DENND1B: variants seen among roughly 807,000 people sequenced by gnomAD.
DENND1B encodes the protein DENN domain containing 1B, also known as DENN domain-containing protein 1B.
In DENND1B, 59 loss-of-function variants were observed where a neutral mutation model predicts 90.1. That is an observed-to-expected ratio of 0.65 (90% CI 0.53 to 0.81). The LOEUF (loss-of-function observed/expected upper bound fraction) is 0.81, where lower values mean the gene tolerates loss of function less well. Among genes scored for constraint, DENND1B ranks in the 40% least tolerant of loss-of-function variants. The pLI is 0.00. For missense variants in DENND1B, 862 were observed against 912.6 expected, an observed-to-expected ratio of 0.94 and a Z score of 0.71; for synonymous variants, 337 against 324.6, an observed-to-expected ratio of 1.04 and a Z score of -0.41.
intron 3 of DENND1B, 67 bp downstream of exon 3, chr1:197,714,964 G>A (rs2102238712): frequency 8.7e-7 from 1 of 1,142,970 alleles, no homozygotes; most frequent in South Asian, 1.3e-5. Flanking sequence ...AGCAACAGCA[G>A]CAGTAATAGT....
intron 14 of DENND1B, among the ~76,000 whole-genome samples, chr1:197,592,033 C>T (rs999604651): frequency 1.6e-5 from 2 of 128,772 alleles, no homozygotes; most frequent in East Asian, 2.7e-4. Flanking sequence ...GGCATGAACC[C>T]GGGAGGTGGA....
intron 2 of DENND1B, among the ~76,000 whole-genome samples, chr1:197,749,673 T>G (rs1228833943): frequency 6.6e-6 from 1 of 152,044 alleles, no homozygotes; most frequent in Non-Finnish European, 1.5e-5. Flanking sequence ...TACTTCAAAT[T>G]TACATAAAGG....
intron 20 of DENND1B, among the ~76,000 whole-genome samples, chr1:197,537,755 T>C (rs1478956251): frequency 6.6e-6 from 1 of 151,950 alleles, no homozygotes; most frequent in Non-Finnish European, 1.5e-5. Flanking sequence ...AATTACATTA[T>C]CATAAAAATG....
intron 5 of DENND1B, among the ~76,000 whole-genome samples, chr1:197,658,821 T>C (rs546660243): frequency 1.3e-5 from 2 of 151,238 alleles, no homozygotes; most frequent in South Asian, 4.2e-4. Context: ...TTAAGAATGA[T>C]GGCAAATTTC....
chr1:197,594,418 GAGACTA>G (rs1675503679), intron 14 of DENND1B, among the ~76,000 whole-genome samples: 1 of 152,154 alleles, frequency 6.6e-6, no homozygotes. Context: ...AAAATCTAGA[GAGACTA>G]AGGAAATGGG....
intron 10 of DENND1B, among the ~76,000 whole-genome samples, chr1:197,620,301 T>A (rs1678039626): frequency 6.6e-6 from 1 of 151,344 alleles, no homozygotes; most frequent in Non-Finnish European, 1.5e-5. Context: ...AACACATTCA[T>A]ATGTAAATTG....
At chr1:197,665,444 T>C (rs1009753737) in intron 5 of DENND1B, among the ~76,000 whole-genome samples, 1 of 152,144 alleles carries the variant, frequency 6.6e-6, no homozygotes, top group Admixed American at 6.5e-5. Context: ...TTGGGTTTTT[T>C]AAAAAATAAT....
At chr1:197,514,588 G>A (rs1668269306) in intron 20 of DENND1B, among the ~76,000 whole-genome samples, 1 of 151,668 alleles carries the variant, frequency 6.6e-6, no homozygotes, top group African/African-American at 2.4e-5. Context: ...TGGAGAAAGA[G>A]AATAGGTGAG....
intron 13 of DENND1B, among the ~76,000 whole-genome samples, chr1:197,596,087 G>A (rs992867305): frequency 4.6e-5 from 7 of 151,952 alleles, no homozygotes; most frequent in Non-Finnish European, 8.8e-5. Flanking sequence ...TTTGAATTCA[G>A]TATCATTGCC....
intron 20 of DENND1B, among the ~76,000 whole-genome samples, chr1:197,518,094 CTT>C (rs1333415575): frequency 6.6e-6 from 1 of 151,860 alleles, no homozygotes; most frequent in African/African-American, 2.4e-5. Flanking sequence ...TAATTTATCT[CTT>C]GTGCCCTCAG....
At chr1:197,759,215 C>T in intron 2 of DENND1B, among the ~76,000 whole-genome samples, 1 of 151,220 alleles carries the variant, frequency 6.6e-6, no homozygotes, top group Non-Finnish European at 1.5e-5. Flanking sequence ...GTGATCCACC[C>T]ACCTCAGCCT....
At chr1:197,589,441 T>C (rs1674991419) in intron 14 of DENND1B, among the ~76,000 whole-genome samples, 2 of 152,180 alleles carry the variant, frequency 1.3e-5, no homozygotes, top group Non-Finnish European at 1.5e-5. Flanking sequence ...GGTCTATCTG[T>C]GCTCAAGCAA....
At chr1:197,661,130 G>A (rs903878100) in intron 5 of DENND1B, among the ~76,000 whole-genome samples, 3 of 151,982 alleles carry the variant, frequency 2.0e-5, no homozygotes, top group Non-Finnish European at 2.9e-5. Flanking sequence ...ATTACTATTG[G>A]TAATCTCAAT....
chr1:197,768,657 G>A (rs1239346828), intron 2 of DENND1B, among the ~76,000 whole-genome samples: 1 of 151,844 alleles, frequency 6.6e-6, no homozygotes. Flanking sequence ...GTTACTGGGA[G>A]GTTGTTCTGC....
At chr1:197,609,569 C>T (rs2125843631) in intron 12 of DENND1B, among the ~76,000 whole-genome samples, 1 of 150,516 alleles carries the variant, frequency 6.6e-6, no homozygotes, top group South Asian at 2.1e-4. Context: ...AAGATCTGGC[C>T]ATCCTTTACT....
At chr1:197,562,747 T>C (rs1296796077) in intron 15 of DENND1B, among the ~76,000 whole-genome samples, 1 of 151,930 alleles carries the variant, frequency 6.6e-6, no homozygotes, top group Non-Finnish European at 1.5e-5. Flanking sequence ...GAGGAAGGCA[T>C]GTCAAAAACT....
chr1:197,616,229 TTAAA>T (rs1282923452), intron 11 of DENND1B, among the ~76,000 whole-genome samples: 6 of 150,950 alleles, frequency 4.0e-5, no homozygotes, highest in Non-Finnish European at 8.9e-5. Context: ...AAATATATTT[TTAAA>T]TAAATAAAGT....
At chr1:197,528,413 T>C (rs866362779) in intron 20 of DENND1B, among the ~76,000 whole-genome samples, 11 of 152,278 alleles carry the variant, frequency 7.2e-5, no homozygotes, top group Middle Eastern at 3.4e-3. Flanking sequence ...AATGAACTCA[T>C]AGCTATTGTG....
At chr1:197,713,815 A>ATTAT (rs1372148327) in intron 3 of DENND1B, among the ~76,000 whole-genome samples, 1 of 68,080 alleles carries the variant, frequency 1.5e-5, no homozygotes, top group Non-Finnish European at 2.5e-5. Flanking sequence ...AATATATTAT[A>ATTAT]TATAATATAT....
Sources: allele counts gnomAD v4.1 joint callset (sites outside exome capture counted in the v4.1 genomes callset), GRCh38; gene constraint gnomAD v4.1.1; transcripts MANE v1.5; gene names NCBI Gene and HGNC (gene_info 2026-07-23, HGNC 2026-07-21).